IKZF1: variants seen among roughly 807,000 people sequenced by gnomAD.
The protein encoded by IKZF1 is DNA-binding protein Ikaros.
In IKZF1, 10 loss-of-function variants were observed where a neutral mutation model predicts 51.7. The observed-to-expected ratio is 0.19, with a 90% CI of 0.12 to 0.33. The LOEUF (loss-of-function observed/expected upper bound fraction) is 0.33. Among genes scored for constraint, IKZF1 ranks in the 10% least tolerant of loss-of-function variants. The pLI, the probability that IKZF1 is intolerant of heterozygous loss-of-function variation, is 1.00. For missense variants in IKZF1, 484 were observed against 707.5 expected, an observed-to-expected ratio of 0.68 and a Z score of 3.58; for synonymous variants, 280 against 282.3, an observed-to-expected ratio of 0.99 and a Z score of 0.08.
chr7:50,313,626 G>A (rs1284003100), intron 1 of IKZF1, among the ~76,000 whole-genome samples: 4 of 152,328 alleles, frequency 2.6e-5, no homozygotes, highest in Middle Eastern at 3.4e-3. Context: ...CAGACTGCAC[G>A]GGTTCAAGTG....
chr7:50,319,122 T>C, intron 2 of IKZF1, 21 bp downstream of exon 2: 5 of 1,611,788 alleles, frequency 3.1e-6, no homozygotes, highest in Non-Finnish European at 4.2e-6. Flanking sequence ...ATGAGATAGC[T>C]GTGTGGGAAG....
chr7:50,326,275 A>G (rs1054772962), intron 2 of IKZF1, among the ~76,000 whole-genome samples: 3 of 152,068 alleles, frequency 2.0e-5, no homozygotes, highest in Non-Finnish European at 4.4e-5. Context: ...ATTTGCACAC[A>G]CTCTCAAAAA....
At chr7:50,369,622 T>G in intron 3 of IKZF1, 1 of 398,562 alleles carries the variant, frequency 2.5e-6, no homozygotes, top group Non-Finnish European at 4.4e-6. Context: ...TATCACCACC[T>G]TGTGGTCATG....
intron 1 of IKZF1, among the ~76,000 whole-genome samples, chr7:50,316,331 C>G (rs917749488): frequency 1.3e-5 from 2 of 152,188 alleles, no homozygotes; most frequent in East Asian, 3.8e-4. Flanking sequence ...GCCCATGAAG[C>G]CCCCTGCTGT....
At chr7:50,364,354 G>A (rs546084304) in intron 3 of IKZF1, among the ~76,000 whole-genome samples, 13 of 152,330 alleles carry the variant, frequency 8.5e-5, no homozygotes, top group African/African-American at 3.1e-4. Flanking sequence ...ATATGAAAAT[G>A]TGCCTGAGAG....
intron 3 of IKZF1, among the ~76,000 whole-genome samples, chr7:50,350,340 T>C (rs532739843): frequency 6.6e-6 from 1 of 152,358 alleles, no homozygotes; most frequent in East Asian, 1.9e-4. Flanking sequence ...TGTACAGATG[T>C]TCCCCTCACC....
intron 3 of IKZF1, among the ~76,000 whole-genome samples, chr7:50,348,872 AG>A (rs1398545492): frequency 1.3e-5 from 2 of 152,174 alleles, no homozygotes. Context: ...GCCGTGGGGC[AG>A]TTTATGTTAT....
At chr7:50,369,654 C>T (rs1808069310) in intron 3 of IKZF1, 2 of 398,208 alleles carry the variant, frequency 5.0e-6, no homozygotes, top group South Asian at 1.3e-4. Flanking sequence ...CCCCCTTTGC[C>T]CTCAACACCT....
intron 2 of IKZF1, 39 bp from the exon 3 acceptor site, chr7:50,327,599 C>A: frequency 6.4e-7 from 1 of 1,562,120 alleles, no homozygotes; most frequent in Non-Finnish European, 8.7e-7. Flanking sequence ...GCACCTTGAC[C>A]ATGACCGCCC....
At chr7:50,356,875 G>T (rs2153439083) in intron 3 of IKZF1, among the ~76,000 whole-genome samples, 1 of 152,002 alleles carries the variant, frequency 6.6e-6, no homozygotes, top group South Asian at 2.1e-4. Context: ...GTGGGACGGT[G>T]TCTCTGGATA....
chr7:50,313,804 A>G (rs186312074), intron 1 of IKZF1, among the ~76,000 whole-genome samples: 25 of 152,362 alleles, frequency 1.6e-4, no homozygotes, highest in African/African-American at 5.5e-4. Context: ...CTAGCTCTAC[A>G]TTGGACACTA....
At chr7:50,327,949 G>A (rs1795494195) in intron 3 of IKZF1, 192 bp downstream of exon 3, 1 of 640,678 alleles carries the variant, frequency 1.6e-6, no homozygotes, top group Non-Finnish European at 2.6e-6. Flanking sequence ...TCACAGGCCA[G>A]CATGGCCGTG....
At chr7:50,354,569 A>C (rs1802743792) in intron 3 of IKZF1, among the ~76,000 whole-genome samples, 1 of 152,248 alleles carries the variant, frequency 6.6e-6, no homozygotes. Flanking sequence ...TTTGTACTGT[A>C]CGTTTTTGTT....
chr7:50,314,601 C>T (rs1382244593), intron 1 of IKZF1, among the ~76,000 whole-genome samples: 1 of 152,198 alleles, frequency 6.6e-6, no homozygotes, highest in Non-Finnish European at 1.5e-5. Flanking sequence ...TCTGCATTTT[C>T]ATTTTTACTT....
At chr7:50,359,320 C>T (rs973181695) in intron 3 of IKZF1, among the ~76,000 whole-genome samples, 1 of 152,208 alleles carries the variant, frequency 6.6e-6, no homozygotes, top group Non-Finnish European at 1.5e-5. Context: ...GCTCAGAAAT[C>T]TCTACAGGTG....
intron 7 of IKZF1, among the ~76,000 whole-genome samples, chr7:50,395,997 G>A (rs892850465): frequency 6.6e-6 from 1 of 152,174 alleles, no homozygotes; most frequent in African/African-American, 2.4e-5. Flanking sequence ...CTGAATGCCT[G>A]AGGGTTCTTT....
At chr7:50,351,081 TA>T (rs1801746556) in intron 3 of IKZF1, among the ~76,000 whole-genome samples, 4 of 149,890 alleles carry the variant, frequency 2.7e-5, no homozygotes, top group Admixed American at 2.6e-4. Context: ...GCCAATTAAC[TA>T]TAGACTTCAT....
chr7:50,400,813 T>C lies in IKZF1; in HGVS notation c.*186T>C, dbSNP rs1817986936. On this transcript the variant is annotated 3_prime_UTR_variant, in exon 8 of 8. Coordinates refer to ENST00000331340, the MANE Select transcript of IKZF1 (RefSeq NM_006060.6). The surrounding 1 kb of genome is among the most constrained non-coding windows in gnomAD (Gnocchi z 5.4). The stretch of plus-strand genomic sequence containing the variant: ...GGGTTTGATTTGCTTTTGAAAAGAT[T>C]TTTATTTTTAGAGGCAGGGCTGCAT... 3 of 774,236 alleles carry C rather than the reference T, an allele frequency of 3.9e-6. No homozygotes were observed. The East Asian group carries it at 8.2e-5, about 21-fold the overall frequency. The allele number at this position is 774,236 out of a possible 1,614,324, so 48.0% of individuals were successfully genotyped here.
Position 50,376,560 on chromosome 7 carries a change from G to T in IKZF1, c.188G>T (p.Ser63Ile). ...VASNVKVETQ[S>I]DEENGRACEM... ...AGTAATGTTAAAGTAGAGACTCAGA[G>T]TGATGAAGAGAATGGGCGTGCCTGT... is the stretch of plus-strand genomic sequence containing the variant. Residue 63 changes from serine (S) to isoleucine (I), a missense_variant, in exon 4 of 8, where the codon AGT (serine) becomes ATT (isoleucine). Transcript: ENST00000331340. The surrounding 1 kb of genome is among the most constrained non-coding windows in gnomAD (Gnocchi z 4.5). 6.2e-7 allele frequency: 1 copy of T among 1,613,932 alleles called. No homozygotes were observed. Among genetic ancestry groups the T allele is most frequent in the Middle Eastern group, 1.6e-4 (1 of 6,062 alleles).
Sources: allele counts gnomAD v4.1 joint callset (sites outside exome capture counted in the v4.1 genomes callset), GRCh38; gene constraint gnomAD v4.1.1; non-coding constraint Gnocchi (gnomAD v3.1); transcripts MANE v1.5; gene names NCBI Gene and HGNC (gene_info 2026-07-23, HGNC 2026-07-21).